Variants in VWA8 observed in about 807,000 individuals in gnomAD.
The protein encoded by VWA8 is von Willebrand factor A domain containing 8, also known as von Willebrand factor A domain-containing protein 8.
In VWA8, 221 loss-of-function variants were observed where a neutral mutation model predicts 241.5. That is an observed-to-expected ratio of 0.91 (90% CI 0.82 to 1.02). The LOEUF is 1.02. Ranked by LOEUF, VWA8 falls within the 50% of genes least tolerant of loss-of-function variation. VWA8 has a pLI of 0.00. For missense variants in VWA8, 2,322 were observed against 2,328.7 expected (o/e 1.00, Z 0.06); for synonymous variants, 852 against 827.1 (o/e 1.03, Z -0.52).
chr13:41,931,566 T>A (rs1173894437), intron 2 of VWA8, among the ~76,000 whole-genome samples: 1 of 152,080 alleles, frequency 6.6e-6, no homozygotes, highest in East Asian at 1.9e-4. Flanking sequence ...GAGTAGTTTT[T>A]AGCTGCTTTT....
chr13:41,661,189 T>G (rs1170809258), intron 37 of VWA8, among the ~76,000 whole-genome samples: 1 of 152,166 alleles, frequency 6.6e-6, no homozygotes, highest in Admixed American at 6.5e-5. Context: ...TGTTATCAAT[T>G]AAAGAGCATC....
At chr13:41,901,913 T>TATATATAC (rs1268681139) in intron 4 of VWA8, among the ~76,000 whole-genome samples, 1 of 64,030 alleles carries the variant, frequency 1.6e-5, no homozygotes, top group African/African-American at 4.7e-5. Flanking sequence ...TATATATATA[T>TATATATAC]ACACACACAT....
In VWA8 at chr13:41,951,043, A is replaced by G. The variant is rs562221141; in HGVS notation, c.164-1030T>C. Among the ~76,000 whole-genome samples, 3 of 152,288 alleles carry G rather than the reference A, an allele frequency of 2.0e-5. No homozygotes were observed. The East Asian group carries it at 5.8e-4, about 29-fold the overall frequency. On this transcript the variant is annotated intron_variant, in intron 1 of 44. Transcript: ENST00000379310. ...GTACACCCGTATTTTTACTGCATACAGTTTCAAATTATCCAGCAACATATC... is the reference window on the plus strand; with the variant it reads ...GTACACCCGTATTTTTACTGCATACGGTTTCAAATTATCCAGCAACATATC...
intron 38 of VWA8, among the ~76,000 whole-genome samples, chr13:41,613,315 G>A (rs560950810): frequency 1.3e-5 from 2 of 152,270 alleles, no homozygotes; most frequent in South Asian, 4.2e-4. Flanking sequence ...GAAATGGGTG[G>A]TGGAAAATTC....
chr13:41,778,064 A>G lies in VWA8; in HGVS notation c.2278-8T>C, dbSNP rs1868694459. The G allele has an allele frequency of 1.9e-6, 3 of 1,608,090 alleles. No individual in the cohort carries two copies. Among genetic ancestry groups the G allele is most frequent in the Non-Finnish European group, 2.5e-6 (3 of 1,177,568 alleles). Reference sequence around the variant, plus strand: ...TTCCATCACTATCACATGCTAGAGAAAAAGGAACTAGGGGTTAACTGTTTT... The same window carrying G: ...TTCCATCACTATCACATGCTAGAGAGAAAGGAACTAGGGGTTAACTGTTTT... On this transcript the variant is annotated splice_region_variant and splice_polypyrimidine_tract_variant and intron_variant, in intron 19 of 44. Coordinates refer to ENST00000379310, the MANE Select transcript of VWA8 (RefSeq NM_015058.2).
At chr13:41,940,205 T>C (rs1877530377) in intron 2 of VWA8, among the ~76,000 whole-genome samples, 5 of 152,226 alleles carry the variant, frequency 3.3e-5, no homozygotes, top group Admixed American at 1.3e-4. Flanking sequence ...GGATAATAAT[T>C]GCTGAAGTCC....
chr13:41,927,920 G>A (rs1002439848), intron 2 of VWA8, among the ~76,000 whole-genome samples: 1 of 152,096 alleles, frequency 6.6e-6, no homozygotes, highest in Non-Finnish European at 1.5e-5. Context: ...GATATTCTAT[G>A]GAAATGGTAA....
chr13:41,657,488 T>C (rs948512218), intron 37 of VWA8, among the ~76,000 whole-genome samples: 3 of 151,274 alleles, frequency 2.0e-5, no homozygotes, highest in African/African-American at 7.3e-5. Context: ...TATTCTTTTT[T>C]TTTTTTTTTT....
chr13:41,650,490 A>G (rs531434246), intron 37 of VWA8, among the ~76,000 whole-genome samples: 55 of 152,356 alleles, frequency 3.6e-4, no homozygotes, highest in African/African-American at 1.3e-3. Context: ...TCACTAGTGA[A>G]GAGTGAGCTC....
chr13:41,959,320 T>G (rs1878481691), intron 1 of VWA8, among the ~76,000 whole-genome samples: 1 of 152,080 alleles, frequency 6.6e-6, no homozygotes, highest in Non-Finnish European at 1.5e-5. Context: ...AGTGGATAAG[T>G]GGATTCCAAC....
intron 18 of VWA8, among the ~76,000 whole-genome samples, chr13:41,784,697 C>CATAT (rs59582293): frequency 0.054 from 3,079 of 56,836 alleles, 137 homozygotes; most frequent in Non-Finnish European, 0.061. Flanking sequence ...TATACATATA[C>CATAT]ATATATATAT....
At chr13:41,729,800 C>G (rs908367629) in intron 22 of VWA8, 123 bp from the exon 23 acceptor site, 2 of 150,402 alleles carry the variant, frequency 1.3e-5, no homozygotes, top group South Asian at 2.8e-4. Flanking sequence ...TACACGTAGA[C>G]ACACACACAC....
intron 17 of VWA8, among the ~76,000 whole-genome samples, chr13:41,809,509 G>C (rs911468618): frequency 6.6e-6 from 1 of 152,094 alleles, no homozygotes; most frequent in Non-Finnish European, 1.5e-5. Context: ...GGGGAAAGGA[G>C]AGTTTCTTCA....
At position 41,727,300 on chromosome 13, in the gene VWA8, C is replaced by G; in HGVS notation, c.2652G>C (p.Val884=). The change falls in exon 24 of 45, where the codon GTG becomes GTC. Residue 884 remains valine, a synonymous_variant. Transcript: ENST00000379310. ...TCACTACAACATTTTCTCTTCCATT[C>G]ACATTAGCAGAATCTGAAAAACAAA... is the stretch of plus-strand genomic sequence containing the variant. The part of the protein sequence containing the change: ...GRRIVANSAN[V]NGRENVVVIH... The G allele has an allele frequency of 6.5e-7, 1 of 1,543,972 alleles. No individual in the cohort carries two copies. Among genetic ancestry groups the G allele is most frequent in the Non-Finnish European group, 8.7e-7 (1 of 1,144,110 alleles).
At chr13:41,800,685 C>T (rs890276212) in intron 17 of VWA8, among the ~76,000 whole-genome samples, 6 of 148,316 alleles carry the variant, frequency 4.0e-5, no homozygotes, top group Admixed American at 6.8e-5. Flanking sequence ...CCCAGCTACT[C>T]GGGAGGCTGA....
rs559093008 is a variant in VWA8 at position 41,642,577 on chromosome 13, A to G, written c.4612-27493T>C. On this transcript the variant is annotated intron_variant, in intron 37 of 44. Coordinates refer to ENST00000379310, the MANE Select transcript of VWA8 (RefSeq NM_015058.2). The stretch of plus-strand genomic sequence containing the variant: ...CCGTCTCAAACAAAAAAAAAAAAAA[A>G]AGAAAAAAAGAAAAATTAAAAAGAA... Among the ~76,000 whole-genome samples the G allele has an allele frequency of 7.3e-5, 11 of 151,278 alleles. No homozygotes were observed. In the East Asian group the frequency reaches 1.2e-3, roughly 16 times the overall value.
intron 37 of VWA8, among the ~76,000 whole-genome samples, chr13:41,656,658 A>G (rs1461391689): frequency 1.3e-5 from 2 of 152,210 alleles, no homozygotes; most frequent in Admixed American, 6.5e-5. Context: ...AATGGATACT[A>G]TATCACCATT....
chr13:41,685,305 C>A, intron 34 of VWA8, 63 bp from the exon 35 acceptor site: 3 of 1,460,302 alleles, frequency 2.1e-6, no homozygotes, highest in South Asian at 1.3e-5. Flanking sequence ...ACAACCTTAA[C>A]AACGCAGCCC....
intron 21 of VWA8, among the ~76,000 whole-genome samples, chr13:41,757,125 G>A (rs1018909825): frequency 2.0e-5 from 3 of 151,380 alleles, no homozygotes; most frequent in Non-Finnish European, 4.4e-5. Flanking sequence ...AAAACTAATT[G>A]AATAGCTTAA....
Sources: gnomAD v4.1 joint callset for allele counts (sites outside exome capture counted in the v4.1 genomes callset) on GRCh38, gnomAD v4.1.1 for gene constraint, MANE v1.5 for transcripts, NCBI Gene and HGNC (gene_info 2026-07-23, HGNC 2026-07-21) for gene names.